The following FARP1 variants were observed in gnomAD, a reference collection of about 807,000 sequenced individuals.
The protein encoded by FARP1 is FERM, ARH/RhoGEF and pleckstrin domain protein 1.
In FARP1, 52 loss-of-function variants were observed where a neutral mutation model predicts 128.8. The ratio of observed to expected loss-of-function variants is 0.40; its 90% CI spans 0.32 to 0.51. The LOEUF (loss-of-function observed/expected upper bound fraction) is 0.51, where lower values mean the gene tolerates loss of function less well. FARP1 is among the 20% of genes least tolerant of loss of function. The pLI is 0.45. For missense variants in FARP1, 1,333 were observed against 1,367.9 expected (o/e 0.97, Z 0.40); for synonymous variants, 580 against 551.8 (o/e 1.05, Z -0.72).
intron 1 of FARP1, among the ~76,000 whole-genome samples, chr13:98,204,934 T>C (rs1335401168): frequency 7.1e-6 from 1 of 141,262 alleles, no homozygotes; most frequent in East Asian, 2.0e-4. Context: ...GGTGACAGAG[T>C]GAGACCCTAT....
intron 13 of FARP1, chr13:98,396,956 G>A (rs1429649830): frequency 6.5e-6 from 1 of 152,908 alleles, no homozygotes; most frequent in East Asian, 1.9e-4. Flanking sequence ...GGGCTGCTTT[G>A]TCCATGCCTC....
In FARP1 at chr13:98,332,080, C is replaced by T. The variant is rs192259579; in HGVS notation, c.172-11682C>T. ...CATTTTTTAATTGTGGTAAAATATA[C>T]GTAACATAACTTTACCATTTTAACC... is the stretch of plus-strand genomic sequence containing the variant. On this transcript the variant is annotated intron_variant, in intron 2 of 26. Transcript: ENST00000319562. 9.2e-5 allele frequency among the ~76,000 whole-genome samples: 14 copies of T among 151,760 alleles called. No individual in the cohort carries two copies. The East Asian group carries it at 2.7e-3, about 30-fold the overall frequency.
chr13:98,248,154 A>C (rs145864906), intron 2 of FARP1, among the ~76,000 whole-genome samples: 125 of 152,346 alleles, frequency 8.2e-4, no homozygotes, highest in African/African-American at 2.6e-3. Context: ...TAATGAGAGA[A>C]ATGGGCCAAT....
intron 1 of FARP1, among the ~76,000 whole-genome samples, chr13:98,186,451 T>G (rs555074873): frequency 6.6e-6 from 1 of 152,246 alleles, no homozygotes; most frequent in South Asian, 2.1e-4. Context: ...CCCCTGCCCC[T>G]GGTAACTCTT....
chr13:98,317,806 G>T (rs1886788187), intron 2 of FARP1, among the ~76,000 whole-genome samples: 1 of 152,158 alleles, frequency 6.6e-6, no homozygotes. Flanking sequence ...TTCCTGGTTT[G>T]CAGAGGGCCG....
intron 1 of FARP1, chr13:98,177,316 C>A (rs546180105): frequency 9.6e-5 from 114 of 1,184,472 alleles, no homozygotes; most frequent in Non-Finnish European, 1.3e-4. Flanking sequence ...GGGGCGTGGG[C>A]CCTCCCAGTT....
intron 3 of FARP1, among the ~76,000 whole-genome samples, chr13:98,362,114 G>A (rs1888897651): frequency 6.6e-6 from 1 of 152,146 alleles, no homozygotes; most frequent in Non-Finnish European, 1.5e-5. Flanking sequence ...AAATATGAAA[G>A]TTAGCCAGGC....
intron 2 of FARP1, among the ~76,000 whole-genome samples, chr13:98,276,476 A>G (rs766876439): frequency 1.1e-4 from 16 of 152,248 alleles, no homozygotes; most frequent in Non-Finnish European, 2.1e-4. Context: ...TACAAAAGCT[A>G]TGTGATGATT....
At chr13:98,233,304 T>C (rs1412423845) in intron 2 of FARP1, among the ~76,000 whole-genome samples, 1 of 152,216 alleles carries the variant, frequency 6.6e-6, no homozygotes, top group African/African-American at 2.4e-5. Context: ...TGCTGGACCT[T>C]GATGCCTGTC....
intron 2 of FARP1, among the ~76,000 whole-genome samples, chr13:98,231,459 A>AC (rs1409986537): frequency 6.6e-6 from 1 of 151,556 alleles, no homozygotes; most frequent in Admixed American, 6.6e-5. Context: ...TTTATTTGAG[A>AC]CAGAGGCTCG....
intron 17 of FARP1, chr13:98,425,493 C>T (rs1891754142): frequency 6.6e-6 from 1 of 152,596 alleles, no homozygotes; most frequent in African/African-American, 2.4e-5. Flanking sequence ...CTCCCAGGTT[C>T]AAGCCATTCT....
At chr13:98,410,038 C>T (rs759144303) in intron 14 of FARP1, among the ~76,000 whole-genome samples, 35 of 152,262 alleles carry the variant, frequency 2.3e-4, no homozygotes, top group Non-Finnish European at 4.7e-4. Flanking sequence ...CTTTTGGCTG[C>T]TGTGAACATG....
At chr13:98,422,771 A>G (rs1210354837) in intron 16 of FARP1, among the ~76,000 whole-genome samples, 2 of 151,976 alleles carry the variant, frequency 1.3e-5, no homozygotes, top group Non-Finnish European at 2.9e-5. Context: ...TGTATCGGAG[A>G]TTGAGTCAAC....
At chr13:98,288,782 G>T (rs1161004741) in intron 2 of FARP1, among the ~76,000 whole-genome samples, 1 of 152,204 alleles carries the variant, frequency 6.6e-6, no homozygotes, top group African/African-American at 2.4e-5. Flanking sequence ...TGGATATCCA[G>T]TGAATGAGAT....
intron 1 of FARP1, among the ~76,000 whole-genome samples, chr13:98,189,756 A>G (rs1879105860): frequency 6.6e-6 from 1 of 152,146 alleles, no homozygotes; most frequent in Non-Finnish European, 1.5e-5. Context: ...TCTGTTTTGC[A>G]TTTTTATTTT....
intron 1 of FARP1, among the ~76,000 whole-genome samples, chr13:98,178,512 C>T (rs1202994906): frequency 6.6e-6 from 1 of 152,140 alleles, no homozygotes; most frequent in Admixed American, 6.5e-5. Flanking sequence ...TATTTTTAAC[C>T]CTTTTTTTTC....
chr13:98,201,845 C>T (rs1239892902), intron 1 of FARP1, among the ~76,000 whole-genome samples: 1 of 152,192 alleles, frequency 6.6e-6, no homozygotes, highest in Non-Finnish European at 1.5e-5. Context: ...ATTCTCATTT[C>T]CTTGCTTTGT....
chr13:98,340,985 C>T (rs932443784), intron 2 of FARP1: 2 of 152,190 alleles, frequency 1.3e-5, no homozygotes, highest in Non-Finnish European at 2.9e-5. Context: ...GGGTTCCACG[C>T]AGTCACATGT....
In FARP1 at chr13:98,268,778, T is replaced by TTGTGTGTG. The variant is rs59132299; in HGVS notation, c.171+55399_171+55406dup. ...CTACTGCATCTGGCCTTTCCCTTCT[T>TTGTGTGTG]TGTGTGTGTGTGTGTGTGTGTGTGT... On this transcript the variant is annotated intron_variant, in intron 2 of 26. Coordinates refer to ENST00000319562, the MANE Select transcript of FARP1 (RefSeq NM_005766.4). 5.0e-3 allele frequency among the ~76,000 whole-genome samples: 734 copies of TTGTGTGTG among 148,268 alleles called. 2 individuals carry two copies. Among genetic ancestry groups the TTGTGTGTG allele is most frequent in the African/African-American group, 0.013 (511 of 40,294 alleles).
Sources: allele counts gnomAD v4.1 joint callset (sites outside exome capture counted in the v4.1 genomes callset), GRCh38; gene constraint gnomAD v4.1.1; transcripts MANE v1.5; gene names NCBI Gene and HGNC (gene_info 2026-07-23, HGNC 2026-07-21).